The following DOCK3 variants were observed in gnomAD, a reference collection of about 807,000 sequenced individuals.
DOCK3 encodes dedicator of cytokinesis protein 3.
In DOCK3, 60 loss-of-function variants were observed where a neutral mutation model predicts 265.6. The ratio of observed to expected loss-of-function variants is 0.23; its 90% CI spans 0.18 to 0.28. The LOEUF (loss-of-function observed/expected upper bound fraction) is 0.28. DOCK3 is among the 10% of genes least tolerant of loss of function. DOCK3 has a pLI of 1.00. For missense variants in DOCK3, 1,981 were observed against 2,594.3 expected (o/e 0.76, Z 5.14); for synonymous variants, 881 against 938.0 (o/e 0.94, Z 1.11).
intron 3 of DOCK3, among the ~76,000 whole-genome samples, chr3:50,889,714 C>T (rs13093798): frequency 0.094 from 14,328 of 151,990 alleles, 835 homozygotes; most frequent in Non-Finnish European, 0.12. Flanking sequence ...GTTCTGTACA[C>T]AATACTGTTT....
At chr3:51,011,223 T>A (rs1380519935) in intron 5 of DOCK3, among the ~76,000 whole-genome samples, 1 of 152,226 alleles carries the variant, frequency 6.6e-6, no homozygotes, top group African/African-American at 2.4e-5. Context: ...GTTTTCCAAC[T>A]TGGTTCCGTT....
chr3:51,316,615 C>T (rs1237943016), intron 32 of DOCK3, among the ~76,000 whole-genome samples: 1 of 152,214 alleles, frequency 6.6e-6, no homozygotes, highest in African/African-American at 2.4e-5. Context: ...GCATACTAAC[C>T]AGTACTTAGT....
At chr3:50,842,025 T>TGCA (rs1286169852) in intron 3 of DOCK3, among the ~76,000 whole-genome samples, 1 of 152,162 alleles carries the variant, frequency 6.6e-6, no homozygotes, top group African/African-American at 2.4e-5. Context: ...CCTAGTCCTG[T>TGCA]GGAACCATAT....
chr3:50,767,480 C>A (rs1346526785), intron 1 of DOCK3, among the ~76,000 whole-genome samples: 4 of 152,062 alleles, frequency 2.6e-5, no homozygotes, highest in Admixed American at 6.6e-5. Context: ...TGGTCTATAT[C>A]TCTGTTTTGG....
chr3:51,060,519 T>C (rs2081374484), intron 5 of DOCK3, among the ~76,000 whole-genome samples: 1 of 152,232 alleles, frequency 6.6e-6, no homozygotes, highest in African/African-American at 2.4e-5. Flanking sequence ...AGGGTTTTTA[T>C]GGTTTTAGGT....
chr3:50,879,227 G>A (rs1446980475), intron 3 of DOCK3, among the ~76,000 whole-genome samples: 1 of 152,126 alleles, frequency 6.6e-6, no homozygotes, highest in Non-Finnish European at 1.5e-5. Context: ...CAATTAACGA[G>A]CAAAATAACC....
At chr3:51,250,861 T>A (rs897596280) in intron 22 of DOCK3, among the ~76,000 whole-genome samples, 1 of 152,178 alleles carries the variant, frequency 6.6e-6, no homozygotes, top group African/African-American at 2.4e-5. Context: ...TTTGCTTTTG[T>A]TTTTGTTTTT....
In DOCK3 at chr3:50,943,683, T is replaced by C. The variant is rs149566883; in HGVS notation, c.315+9606T>C. ...CACAGTGGATGATACTGTAGAAACATATAATCAGTATTAAGTGGTTAAGTA... is the reference window on the plus strand; with the variant it reads ...CACAGTGGATGATACTGTAGAAACACATAATCAGTATTAAGTGGTTAAGTA... On this transcript the variant is annotated intron_variant, in intron 5 of 52. Coordinates refer to ENST00000266037, the MANE Select transcript of DOCK3 (RefSeq NM_004947.5). Among the ~76,000 whole-genome samples, 737 of 152,270 alleles carry C rather than the reference T, an allele frequency of 4.8e-3. 9 individuals carry two copies. The highest frequency in any genetic ancestry group is 0.015 in the African/African-American group (637 of 41,576).
chr3:50,880,584 T>C, intron 3 of DOCK3: 2 of 179,314 alleles, frequency 1.1e-5, no homozygotes, highest in Non-Finnish European at 2.4e-5. Flanking sequence ...CAGGAAGAAG[T>C]TGAATCCCCG....
At chr3:50,937,077 G>C (rs1451868309) in intron 5 of DOCK3, among the ~76,000 whole-genome samples, 1 of 151,662 alleles carries the variant, frequency 6.6e-6, no homozygotes, top group Non-Finnish European at 1.5e-5. Flanking sequence ...AGGAGTTTAA[G>C]ACTAGCCTGG....
At chr3:51,377,870 T>C (rs1387710942) in intron 51 of DOCK3, among the ~76,000 whole-genome samples, 2 of 152,238 alleles carry the variant, frequency 1.3e-5, no homozygotes, top group African/African-American at 4.8e-5. Flanking sequence ...GCATCTGAGA[T>C]CCTGGGCTGT....
chr3:50,874,624 C>T (rs1355854051), intron 3 of DOCK3, among the ~76,000 whole-genome samples: 1 of 151,228 alleles, frequency 6.6e-6, no homozygotes, highest in East Asian at 1.9e-4. Flanking sequence ...CAGTTTCTTT[C>T]ATTAGTGTTT....
intron 43 of DOCK3, 98 bp from the exon 44 acceptor site, chr3:51,356,864 G>T: frequency 7.3e-7 from 1 of 1,373,154 alleles, no homozygotes; most frequent in South Asian, 1.5e-5. Context: ...GAACAAGGAA[G>T]GGGAATCAAT....
rs1383442037 is a variant in DOCK3, at chr3:51,357,015, G to A, written c.4557G>A (p.Gln1519=). The part of the protein sequence containing the change: ...NAIQVVENKN[Q]ELRSLISQYQ... Reference sequence around the variant, plus strand: ...TCCAAGTGGTTGAGAATAAGAACCAGGAGCTACGCTCCCTGATCAGCCAGT... The same window carrying A: ...TCCAAGTGGTTGAGAATAAGAACCAAGAGCTACGCTCCCTGATCAGCCAGT... The change falls in exon 44 of 53, where the codon CAG becomes CAA. Residue 1519 remains glutamine, a synonymous_variant. Coordinates refer to ENST00000266037, the MANE Select transcript of DOCK3 (RefSeq NM_004947.5). 3 of 1,613,496 alleles carry A rather than the reference G, an allele frequency of 1.9e-6. No homozygotes were observed. Among genetic ancestry groups the A allele is most frequent in the African/African-American group, 2.7e-5 (2 of 75,038 alleles).
chr3:51,281,274 A>T (rs957371237), intron 27 of DOCK3, among the ~76,000 whole-genome samples: 5 of 125,676 alleles, frequency 4.0e-5, no homozygotes, highest in African/African-American at 9.1e-5. Context: ...GATGAGCTAA[A>T]ATATATATAT....
At chr3:50,933,772 C>G (rs1366592442) in intron 4 of DOCK3, among the ~76,000 whole-genome samples, 2 of 152,142 alleles carry the variant, frequency 1.3e-5, no homozygotes, top group African/African-American at 4.8e-5. Context: ...TGAGGACATA[C>G]AGTAAAACCC....
At chr3:51,016,960 T>TTA (rs200890236) in intron 5 of DOCK3, among the ~76,000 whole-genome samples, 94,406 of 106,802 alleles carry the variant, frequency 0.88, 42,067 homozygotes, top group East Asian at 0.94. Context: ...AATATATATA[T>TTA]TATATATATA....
chr3:50,742,096 T>G (rs1351882302), intron 1 of DOCK3, among the ~76,000 whole-genome samples: 1 of 152,216 alleles, frequency 6.6e-6, no homozygotes, highest in Non-Finnish European at 1.5e-5. Context: ...TCTGTTCATG[T>G]CCTTCGCCCA....
intron 2 of DOCK3, among the ~76,000 whole-genome samples, chr3:50,814,833 CTT>C (rs923884303): frequency 2.0e-5 from 3 of 148,056 alleles, no homozygotes; most frequent in Admixed American, 1.3e-4. Context: ...TTTTTTCATT[CTT>C]TTTTTTTTGA....
Sources: gnomAD v4.1 joint callset for allele counts (sites outside exome capture counted in the v4.1 genomes callset) on GRCh38, gnomAD v4.1.1 for gene constraint, MANE v1.5 for transcripts, NCBI Gene and HGNC (gene_info 2026-07-23, HGNC 2026-07-21) for gene names.